The following C2orf49 variants were observed in gnomAD, a reference collection of about 807,000 sequenced individuals.
The protein encoded by C2orf49 is tRNA splicing ligase complex subunit 2.
Under a neutral mutation model 20.6 loss-of-function variants are expected in C2orf49, and 11 were observed. That is an observed-to-expected ratio of 0.53 (90% confidence interval 0.34 to 0.88). The LOEUF is 0.88. Ranked by LOEUF, C2orf49 falls within the 40% of genes least tolerant of loss-of-function variation. The pLI is 0.02. For synonymous variants in C2orf49, 134 were observed against 108.5 expected, an observed-to-expected ratio of 1.24 and a Z score of -1.46; for missense variants, 289 against 274.2, an observed-to-expected ratio of 1.05 and a Z score of -0.38.
chr2:105,343,612 G>A (rs1383283335), intron 3 of C2orf49, among the ~76,000 whole-genome samples: 1 of 152,046 alleles, frequency 6.6e-6, no homozygotes, highest in Admixed American at 6.6e-5. Flanking sequence ...AGCATTTGGG[G>A]CCTGACCTTA....
intron 3 of C2orf49, among the ~76,000 whole-genome samples, chr2:105,344,634 C>T (rs1261577507): frequency 1.3e-5 from 2 of 151,994 alleles, no homozygotes; most frequent in Non-Finnish European, 2.9e-5. Flanking sequence ...GGCTGGAGTA[C>T]AGTGGTGAGA....
At chr2:105,381,362 A>G in the C2orf49 span, among the ~76,000 whole-genome samples, 1 of 152,118 alleles carries the variant, frequency 6.6e-6, no homozygotes, top group African/African-American at 2.4e-5. Flanking sequence ...AACTCACTCA[A>G]TTACCCCGAC....
chr2:105,379,007 CT>C, the C2orf49 span, among the ~76,000 whole-genome samples: 2 of 152,166 alleles, frequency 1.3e-5, no homozygotes, highest in African/African-American at 4.8e-5. Flanking sequence ...TCTTGTATCA[CT>C]GTGGGTCAAG....
chr2:105,351,311 G>C (rs1195131697), downstream of C2orf49, among the ~76,000 whole-genome samples: 256 of 50,308 alleles, frequency 5.1e-3, 1 homozygote, highest in African/African-American at 0.015. Context: ...TTTGCCCACC[G>C]CGCCCCCCCC....
At chr2:105,354,236 T>C in the C2orf49 span, among the ~76,000 whole-genome samples, 1 of 152,250 alleles carries the variant, frequency 6.6e-6, no homozygotes, top group Non-Finnish European at 1.5e-5. Flanking sequence ...ACAGCAGATA[T>C]ATTTAATGAG....
chr2:105,365,562 G>C, the C2orf49 span, among the ~76,000 whole-genome samples: 1 of 151,962 alleles, frequency 6.6e-6, no homozygotes, highest in Non-Finnish European at 1.5e-5. Flanking sequence ...GGAGAGAACA[G>C]GGAAGAGGGT....
chr2:105,346,394 A>T lies in C2orf49; in HGVS notation c.*1023A>T, dbSNP rs1219611288. 2 of 152,174 alleles carry T rather than the reference A, an allele frequency of 1.3e-5. No homozygotes were observed. Among genetic ancestry groups the T allele is most frequent in the Non-Finnish European group, 1.5e-5 (1 of 68,044 alleles). 9.4% of individuals were successfully genotyped at this position (152,174 alleles called of 1,614,324 possible). A position where few individuals can be genotyped will look rare whatever the true frequency, so the allele number is the denominator to read the frequency against. ...GCCCATCCTTTAGAATGTTCTTGTC[A>T]TGTAGCAGTCCTACGTACTCTTTTC... On this transcript the variant is annotated 3_prime_UTR_variant, in exon 4 of 4. Transcript: ENST00000258457.
the C2orf49 span, chr2:105,361,192 G>GC: frequency 7.3e-7 from 1 of 1,361,518 alleles, no homozygotes; most frequent in Non-Finnish European, 1.0e-6. Context: ...AATGTGGCTG[G>GC]AAGAAACCAG....
chr2:105,339,887 G>A (rs1011656412), intron 2 of C2orf49, 138 bp downstream of exon 2: 14 of 659,672 alleles, frequency 2.1e-5, no homozygotes, highest in South Asian at 8.7e-5. Context: ...GGCACTGTGC[G>A]TATAGCAGTG....
the C2orf49 span, chr2:105,375,996 C>T: frequency 6.6e-6 from 1 of 152,204 alleles, no homozygotes; most frequent in Non-Finnish European, 1.5e-5. Flanking sequence ...TGAGAAACAG[C>T]AAAGCCCACA....
At chr2:105,369,042 T>C in the C2orf49 span, among the ~76,000 whole-genome samples, 1 of 152,208 alleles carries the variant, frequency 6.6e-6, no homozygotes, top group Non-Finnish European at 1.5e-5. Flanking sequence ...AGTTGTTGTG[T>C]AGTTGTAATA....
chr2:105,382,926 C>T, the C2orf49 span, among the ~76,000 whole-genome samples: 2 of 152,190 alleles, frequency 1.3e-5, no homozygotes, highest in Admixed American at 6.5e-5. Flanking sequence ...TGCTCTGTCA[C>T]CCAGGCTGGA....
rs3060063 is a variant in C2orf49, at chr2:105,348,005, T to TTTC, written c.*2637_*2639dup. 110,341 of 151,764 alleles carry TTTC rather than the reference T, an allele frequency of 0.73. 40,330 individuals carry two copies. The highest frequency in any genetic ancestry group is 0.82 in the East Asian group (4,221 of 5,150). The allele number at this position is 151,764 out of a possible 1,614,324, so 9.4% of individuals were successfully genotyped here. On this transcript the variant is annotated 3_prime_UTR_variant, in exon 4 of 4. Transcript: ENST00000258457. ...CTGCCATTAGCAGGCATCCTTGTTT[T>TTTC]TTCTTTTCCCTCTTTGTTCCTTCTT...
the C2orf49 span, among the ~76,000 whole-genome samples, chr2:105,372,914 G>A: frequency 1.3e-5 from 2 of 152,124 alleles, no homozygotes; most frequent in African/African-American, 4.8e-5. Context: ...TAAAATAAAA[G>A]ATTCTGCTCT....
chr2:105,380,786 GA>G, the C2orf49 span, among the ~76,000 whole-genome samples: 3 of 150,664 alleles, frequency 2.0e-5, no homozygotes, highest in East Asian at 1.9e-4. Flanking sequence ...CAAAAAGAAA[GA>G]AAAAAAAAGT....
downstream of C2orf49, among the ~76,000 whole-genome samples, chr2:105,351,321 C>G (rs1467441257): frequency 1.7e-3 from 214 of 123,052 alleles, 10 homozygotes; most frequent in Non-Finnish European, 3.1e-3. Context: ...GCGCCCCCCC[C>G]CCCCCAAAAA....
the C2orf49 span, chr2:105,363,365 C>T: frequency 3.1e-6 from 5 of 1,614,190 alleles, no homozygotes; most frequent in East Asian, 2.2e-5. Context: ...AAAGTCATCG[C>T]GAGCTGTGAA....
chr2:105,345,271 G>C (rs747459344), intron 3 of C2orf49, 44 bp from the exon 4 acceptor site: 9 of 1,540,764 alleles, frequency 5.8e-6, no homozygotes, highest in Non-Finnish European at 4.4e-6. Flanking sequence ...GTTGTTTTCT[G>C]ATATTTCTGC....
At chr2:105,349,646 G>A (rs1470875252), downstream of C2orf49, among the ~76,000 whole-genome samples, 1 of 152,168 alleles carries the variant, frequency 6.6e-6, no homozygotes, top group Non-Finnish European at 1.5e-5. Context: ...TTAAGTACTT[G>A]CTTTCATAGA....
Sources: allele counts gnomAD v4.1 joint callset (sites outside exome capture counted in the v4.1 genomes callset), GRCh38; gene constraint gnomAD v4.1.1; transcripts MANE v1.5; gene names NCBI Gene and HGNC (gene_info 2026-07-23, HGNC 2026-07-21).